MTA3: variants seen among roughly 807,000 people sequenced by gnomAD.
MTA3 encodes the protein metastasis associated 1 family member 3.
In MTA3, 34 loss-of-function variants were observed where a neutral mutation model predicts 83.5. That is an observed-to-expected ratio of 0.41 (90% CI 0.31 to 0.54). The LOEUF (loss-of-function observed/expected upper bound fraction) is 0.54. Ranked by LOEUF, MTA3 falls within the 20% of genes least tolerant of loss-of-function variation. The probability of loss-of-function intolerance (pLI) is 0.33; values close to 1 mark genes in which losing one functional copy is unlikely to be tolerated. For synonymous variants in MTA3, 303 were observed against 252.7 expected (o/e 1.20, Z -1.89); for missense variants, 761 against 726.4 (o/e 1.05, Z -0.55).
chr2:42,663,616 T>A (rs945079359), intron 8 of MTA3, among the ~76,000 whole-genome samples: 2 of 152,012 alleles, frequency 1.3e-5, no homozygotes, highest in African/African-American at 4.8e-5. Context: ...ACAAAACAAA[T>A]TAGCCAGGCA....
At chr2:42,602,282 T>A (rs1483149733) in intron 3 of MTA3, among the ~76,000 whole-genome samples, 2 of 152,242 alleles carry the variant, frequency 1.3e-5, no homozygotes, top group African/African-American at 4.8e-5. Flanking sequence ...CAGCCTTAGT[T>A]GTTGTTCTCC....
At chr2:42,569,177 C>A (rs879415459) in intron 1 of MTA3, among the ~76,000 whole-genome samples, 92 of 114,314 alleles carry the variant, frequency 8.0e-4, no homozygotes, top group Non-Finnish European at 1.5e-3. Flanking sequence ...CTTCCCCACT[C>A]AGTGGGAGCC....
chr2:42,703,990 A>C, intron 11 of MTA3: 1 of 494,240 alleles, frequency 2.0e-6, no homozygotes, highest in Non-Finnish European at 3.6e-6. Flanking sequence ...GGCATAAGCA[A>C]TTCCTTTTTT....
At chr2:42,575,421 T>C (rs1448222391) in intron 2 of MTA3, among the ~76,000 whole-genome samples, 2 of 152,358 alleles carry the variant, frequency 1.3e-5, no homozygotes, top group South Asian at 2.1e-4. Context: ...AATTAATTAA[T>C]TTCTGAAATG....
At position 42,609,763 on chromosome 2, in the gene MTA3, AAAGTTCTCCAGTAAAGTAACC is replaced by A. The variant is rs1273212893; in HGVS notation, c.317+181_317+201del. Reference sequence around the variant, plus strand: ...TGTATTACCATATTAAAGCCCCACAAAAGTTCTCCAGTAAAGTAACCATTTTAACTTTGTTTTAATAACAGA... The same window carrying A: ...TGTATTACCATATTAAAGCCCCACAAATTTTAACTTTGTTTTAATAACAGA... On this transcript the variant is annotated intron_variant, in intron 4 of 16. Coordinates refer to ENST00000405094, the MANE Select transcript of MTA3 (RefSeq NM_001330442.2). Among the ~76,000 whole-genome samples the A allele has an allele frequency of 2.6e-5, 4 of 152,344 alleles. No individual in the cohort carries two copies. The East Asian group carries it at 7.7e-4, about 29-fold the overall frequency.
At chr2:42,553,024 C>A (rs1677191702) in intron 2 of MTA3, among the ~76,000 whole-genome samples, 2 of 151,790 alleles carry the variant, frequency 1.3e-5, no homozygotes, top group African/African-American at 2.4e-5. Flanking sequence ...CACCTATAAT[C>A]CCAGCACTTT....
intron 14 of MTA3, 184 bp downstream of exon 14, chr2:42,709,280 A>AC: frequency 8.3e-7 from 1 of 1,212,062 alleles, no homozygotes; most frequent in South Asian, 1.7e-5. Context: ...GCCAACCTGG[A>AC]AAAAAAAAAT....
At chr2:42,548,070 C>T (rs988589292) in intron 2 of MTA3, among the ~76,000 whole-genome samples, 1 of 152,208 alleles carries the variant, frequency 6.6e-6, no homozygotes, top group East Asian at 1.9e-4. Flanking sequence ...GGAGGCCACC[C>T]ATACAGTAGA....
At chr2:42,556,078 C>G (rs976524370) in intron 2 of MTA3, among the ~76,000 whole-genome samples, 9 of 145,626 alleles carry the variant, frequency 6.2e-5, no homozygotes, top group African/African-American at 2.3e-4. Context: ...TCTCAAAAAA[C>G]AAAAGCAAAC....
At chr2:42,673,631 G>C (rs988290659) in intron 8 of MTA3, among the ~76,000 whole-genome samples, 1 of 152,144 alleles carries the variant, frequency 6.6e-6, no homozygotes, top group Non-Finnish European at 1.5e-5. Context: ...ATTCCCCTTG[G>C]GATCAGCACT....
At chr2:42,628,535 C>T (rs1686354131) in intron 4 of MTA3, among the ~76,000 whole-genome samples, 1 of 152,148 alleles carries the variant, frequency 6.6e-6, no homozygotes. Context: ...ACCCAGCCAC[C>T]TTCTTATTTA....
chr2:42,583,789 C>G (rs537912863), intron 3 of MTA3, among the ~76,000 whole-genome samples: 76 of 151,978 alleles, frequency 5.0e-4, no homozygotes, highest in African/African-American at 1.6e-3. Context: ...CCTTGGCCTC[C>G]CAAAGTGCCA....
chr2:42,514,682 C>CTTTTTTTTT lies in MTA3; in HGVS notation c.-141+19445_-141+19453dup, dbSNP rs767598363. 4.9e-4 allele frequency among the ~76,000 whole-genome samples: 26 copies of CTTTTTTTTT among 53,486 alleles called. 1 individual carries two copies. The highest frequency in any genetic ancestry group is 1.2e-3 in the African/African-American group (14 of 11,832). The allele number at this position is 53,486 out of a possible 152,430, so 35.1% of individuals were successfully genotyped here. On this transcript the variant is annotated intron_variant, in intron 2 of 17. Transcript: ENST00000405592. ...GATTACAGGCATGAGCGCCCAGCCCCTTTTTTTTTTTTTTTTTTTTTTTTT... is the reference window on the plus strand; with the variant it reads ...GATTACAGGCATGAGCGCCCAGCCCCTTTTTTTTTTTTTTTTTTTTTTTTTTTTTTTTTT...
chr2:42,648,224 A>G (rs1007420983), intron 6 of MTA3, among the ~76,000 whole-genome samples: 1 of 152,212 alleles, frequency 6.6e-6, no homozygotes, highest in African/African-American at 2.4e-5. Context: ...ACCACACTTG[A>G]AAAACATGGT....
chr2:42,549,978 C>T (rs1404702471), intron 2 of MTA3, among the ~76,000 whole-genome samples: 6 of 151,710 alleles, frequency 4.0e-5, no homozygotes, highest in African/African-American at 1.5e-4. Context: ...TATCACAGCA[C>T]TTGTGTTCAA....
At chr2:42,731,602 C>T (rs13421327) in intron 16 of MTA3, among the ~76,000 whole-genome samples, 30,294 of 152,000 alleles carry the variant, frequency 0.2, 3,409 homozygotes, top group East Asian at 0.52. Flanking sequence ...CTTCCCCCTC[C>T]CACAACACAT....
chr2:42,681,755 C>T (rs1691939124), intron 8 of MTA3, among the ~76,000 whole-genome samples: 2 of 152,012 alleles, frequency 1.3e-5, no homozygotes, highest in South Asian at 4.2e-4. Context: ...AAGTGTTCCT[C>T]CCACCTTGGC....
intron 2 of MTA3, among the ~76,000 whole-genome samples, chr2:42,530,886 A>G (rs1007138075): frequency 1.3e-5 from 2 of 151,746 alleles, no homozygotes; most frequent in African/African-American, 2.4e-5. Context: ...CTAGAGTGCA[A>G]TGGCGCAATC....
At chr2:42,714,188 C>T (rs1000971590) in intron 14 of MTA3, among the ~76,000 whole-genome samples, 7 of 152,140 alleles carry the variant, frequency 4.6e-5, no homozygotes, top group Admixed American at 6.6e-5. Flanking sequence ...CCATTTATCT[C>T]CTTTTCTGTC....
Sources: allele counts gnomAD v4.1 joint callset (sites outside exome capture counted in the v4.1 genomes callset), GRCh38; gene constraint gnomAD v4.1.1; transcripts MANE v1.5; gene names NCBI Gene and HGNC (gene_info 2026-07-23, HGNC 2026-07-21).